The following PDE1A variants were observed in gnomAD, a reference collection of about 807,000 sequenced individuals.
PDE1A encodes the protein phosphodiesterase 1A.
Under a neutral mutation model 61.7 loss-of-function variants are expected in PDE1A, and 35 were observed. The ratio of observed to expected loss-of-function variants is 0.57; its 90% CI spans 0.43 to 0.75. PDE1A has a LOEUF of 0.75. Ranked by LOEUF, PDE1A falls within the 30% of genes least tolerant of loss-of-function variation. The probability of loss-of-function intolerance (pLI) is 0.00; values close to 1 mark genes in which losing one functional copy is unlikely to be tolerated. For synonymous variants in PDE1A, 232 were observed against 213.2 expected (o/e 1.09, Z -0.77); for missense variants, 597 against 630.6 (o/e 0.95, Z 0.57).
intron 1 of PDE1A, 52 bp downstream of exon 1, chr2:182,426,525 GA>G: frequency 8.2e-7 from 1 of 1,220,790 alleles, no homozygotes. Flanking sequence ...GATGAAGGGA[GA>G]AACTATTGTT....
chr2:182,678,528 T>C, the PDE1A span, among the ~76,000 whole-genome samples: 2 of 152,128 alleles, frequency 1.3e-5, no homozygotes, highest in African/African-American at 2.4e-5. Context: ...AATCATATTA[T>C]ATGGTATATA....
chr2:182,273,395 G>C (rs1693174122), intron 1 of PDE1A, among the ~76,000 whole-genome samples: 1 of 151,788 alleles, frequency 6.6e-6, no homozygotes, highest in South Asian at 2.1e-4. Flanking sequence ...AGTTGATAGT[G>C]ATGTTGAGAT....
intron 2 of PDE1A, among the ~76,000 whole-genome samples, chr2:182,454,340 T>C (rs1226609965): frequency 6.6e-6 from 1 of 152,156 alleles, no homozygotes; most frequent in Non-Finnish European, 1.5e-5. Flanking sequence ...ATGGCCACAC[T>C]GCCCAAGGTA....
intron 2 of PDE1A, among the ~76,000 whole-genome samples, chr2:182,435,497 C>T (rs1036484145): frequency 2.0e-5 from 3 of 151,984 alleles, no homozygotes; most frequent in Admixed American, 1.3e-4. Flanking sequence ...GTCAGTCATG[C>T]GGCATTCGCC....
the PDE1A span, among the ~76,000 whole-genome samples, chr2:182,674,007 T>C: frequency 6.9e-6 from 1 of 144,298 alleles, no homozygotes; most frequent in East Asian, 2.0e-4. Context: ...TATATATATA[T>C]ATATATATAT....
At chr2:182,347,814 T>G (rs1698608243) in intron 1 of PDE1A, among the ~76,000 whole-genome samples, 1 of 152,100 alleles carries the variant, frequency 6.6e-6, no homozygotes, top group African/African-American at 2.4e-5. Flanking sequence ...GTTTTGAGTA[T>G]TCATTTTAAC....
At chr2:182,398,818 T>C (rs900031663) in intron 1 of PDE1A, among the ~76,000 whole-genome samples, 1 of 152,078 alleles carries the variant, frequency 6.6e-6, no homozygotes, top group African/African-American at 2.4e-5. Context: ...CTTTTAGAAA[T>C]CTTAAATTTC....
chr2:182,425,943 T>C (rs1366859850), intron 1 of PDE1A, among the ~76,000 whole-genome samples: 1 of 152,202 alleles, frequency 6.6e-6, no homozygotes. Context: ...AAAGAGTCAA[T>C]GAAGAAACAG....
intron 3 of PDE1A, 55 bp downstream of exon 3, chr2:182,240,055 T>A (rs947398492): frequency 1.4e-6 from 2 of 1,471,168 alleles, no homozygotes; most frequent in African/African-American, 1.4e-5. Context: ...AAAAAATGAA[T>A]GTATCTGCTG....
At chr2:182,168,165 T>G in exon 14 of PDE1A, 2 of 1,542,706 alleles carry the variant, frequency 1.3e-6, no homozygotes, top group South Asian at 2.5e-5. Flanking sequence ...CAGGGTAGAT[T>G]TCCAGCAAGC....
At chr2:182,691,509 C>A in the PDE1A span, among the ~76,000 whole-genome samples, 1 of 152,182 alleles carries the variant, frequency 6.6e-6, no homozygotes, top group Non-Finnish European at 1.5e-5. Flanking sequence ...CCCTTCCTTG[C>A]ACCTTATACA....
At chr2:182,603,592 C>T in the PDE1A span, among the ~76,000 whole-genome samples, 27 of 152,146 alleles carry the variant, frequency 1.8e-4, no homozygotes, top group Non-Finnish European at 3.1e-4. Context: ...TCAGGTGATC[C>T]GCCCACCTCG....
intron 1 of PDE1A, among the ~76,000 whole-genome samples, chr2:182,336,189 C>A (rs1387324628): frequency 6.6e-6 from 1 of 152,160 alleles, no homozygotes; most frequent in Non-Finnish European, 1.5e-5. Flanking sequence ...ATTAGTTCAA[C>A]CATTGTGGAA....
intron 3 of PDE1A, among the ~76,000 whole-genome samples, chr2:182,238,278 A>AAAAAAAAAAAAG (rs1690222670): frequency 1.3e-5 from 2 of 150,100 alleles, no homozygotes; most frequent in African/African-American, 5.0e-5. Context: ...AAAAAAAAAA[A>AAAAAAAAAAAAG]AAAAGAAAAA....
At chr2:182,312,590 C>A (rs1333349412) in intron 1 of PDE1A, among the ~76,000 whole-genome samples, 1 of 152,042 alleles carries the variant, frequency 6.6e-6, no homozygotes, top group Non-Finnish European at 1.5e-5. Context: ...TGCCTTTGTA[C>A]CTCTGTGTAA....
the PDE1A span, among the ~76,000 whole-genome samples, chr2:182,693,128 AATTAAAAT>A: frequency 6.6e-6 from 1 of 152,154 alleles, no homozygotes; most frequent in Non-Finnish European, 1.5e-5. Flanking sequence ...GGAACTCAAC[AATTAAAAT>A]AATTCCCTAG....
the PDE1A span, among the ~76,000 whole-genome samples, chr2:182,600,768 T>C: frequency 6.6e-6 from 1 of 152,158 alleles, no homozygotes; most frequent in Non-Finnish European, 1.5e-5. Context: ...TGGTAGACTG[T>C]TTGCAAGTTG....
chr2:182,413,063 C>A (rs1702711720), intron 1 of PDE1A, among the ~76,000 whole-genome samples: 1 of 152,064 alleles, frequency 6.6e-6, no homozygotes, highest in Non-Finnish European at 1.5e-5. Context: ...GCAGAGTAGA[C>A]AAAGGCTTAG....
In PDE1A at chr2:182,274,258, CTTAA is replaced by C. The variant is rs569810241; in HGVS notation, c.54-9848_54-9845del. ...TATCAAATGGCTTGGGATATTTATTCTTAATTAATGCAGTACCATGTACCGACAC... is the reference window on the plus strand; with the variant it reads ...TATCAAATGGCTTGGGATATTTATTCTTAATGCAGTACCATGTACCGACAC... On this transcript the variant is annotated intron_variant, in intron 1 of 13. Coordinates refer to ENST00000351439, the Ensembl canonical transcript of PDE1A. Among the ~76,000 whole-genome samples the C allele has an allele frequency of 1.4e-4, 21 of 152,166 alleles. No individual in the cohort carries two copies. In the East Asian group the frequency reaches 3.5e-3, roughly 25 times the overall value.
Sources: allele counts gnomAD v4.1 joint callset (sites outside exome capture counted in the v4.1 genomes callset), GRCh38; gene constraint gnomAD v4.1.1; transcripts MANE v1.5; gene names NCBI Gene and HGNC (gene_info 2026-07-23, HGNC 2026-07-21).